The following RBFOX1 variants were observed in gnomAD, a reference collection of about 807,000 sequenced individuals.
The protein encoded by RBFOX1 is RNA binding fox-1 homolog 1.
RBFOX1 carries 8 observed loss-of-function variants against 57.7 expected under a neutral mutation model. The observed-to-expected ratio is 0.14, with a 90% CI of 0.08 to 0.25. RBFOX1 has a LOEUF of 0.25. Among genes scored for constraint, RBFOX1 ranks in the 10% least tolerant of loss-of-function variants. The pLI, the probability that RBFOX1 is intolerant of heterozygous loss-of-function variation, is 1.00. For synonymous variants in RBFOX1, 326 were observed against 222.4 expected (o/e 1.47, Z -4.15); for missense variants, 611 against 548.5 (o/e 1.11, Z -1.14).
chr16:6,921,266 A>T (rs746540497), intron 3 of RBFOX1, among the ~76,000 whole-genome samples: 1 of 152,168 alleles, frequency 6.6e-6, no homozygotes, highest in Non-Finnish European at 1.5e-5. Context: ...CACAATGTCT[A>T]TGGGTTAAAA....
chr16:7,084,146 G>A (rs2059624121), intron 4 of RBFOX1, among the ~76,000 whole-genome samples: 1 of 152,110 alleles, frequency 6.6e-6, no homozygotes, highest in African/African-American at 2.4e-5. Context: ...AAATATGGAA[G>A]GACTGTGGTA....
intron 1 of RBFOX1, among the ~76,000 whole-genome samples, chr16:6,221,927 G>T (rs538652203): frequency 3.9e-5 from 6 of 152,128 alleles, no homozygotes; most frequent in Admixed American, 1.3e-4. Context: ...CAGCCAAACC[G>T]TATCAACCAA....
intron 5 of RBFOX1, among the ~76,000 whole-genome samples, chr16:7,560,969 C>T (rs892589169): frequency 7.2e-5 from 11 of 152,266 alleles, no homozygotes; most frequent in East Asian, 1.9e-4. Flanking sequence ...AGAACTCATC[C>T]GTTGTCCTGT....
chr16:5,460,488 T>C (rs557100137), intron 1 of RBFOX1, among the ~76,000 whole-genome samples: 3 of 152,308 alleles, frequency 2.0e-5, no homozygotes, highest in African/African-American at 4.8e-5. Context: ...ATAAGTTTTG[T>C]TGGGGTCCTG....
intron 3 of RBFOX1, among the ~76,000 whole-genome samples, chr16:6,894,523 C>G (rs1381132799): frequency 6.6e-6 from 1 of 152,146 alleles, no homozygotes; most frequent in Non-Finnish European, 1.5e-5. Flanking sequence ...GCTCTCCATC[C>G]CAACTAGAGG....
chr16:5,930,645 G>T (rs868248082), intron 4 of RBFOX1, among the ~76,000 whole-genome samples: 16 of 125,980 alleles, frequency 1.3e-4, no homozygotes, highest in Non-Finnish European at 2.5e-4. Context: ...TGCATGGTTG[G>T]GTAGGTGGGA....
Position 6,996,503 on chromosome 16 carries a change from C to G in RBFOX1, c.-15-55554C>G, listed in dbSNP as rs139438467. The stretch of plus-strand genomic sequence containing the variant: ...CCTATCTGGACACGCATATTTGTTA[C>G]TTGAAAATAAGTAGGGCTTGCATAC... On this transcript the variant is annotated intron_variant, in intron 3 of 15. Coordinates refer to ENST00000550418, the MANE Select transcript of RBFOX1 (RefSeq NM_018723.4). Among the ~76,000 whole-genome samples, 66 of 152,256 alleles carry G rather than the reference C, an allele frequency of 4.3e-4. No homozygotes were observed. The East Asian group carries it at 0.011, about 26-fold the overall frequency.
intron 5 of RBFOX1, among the ~76,000 whole-genome samples, chr16:7,551,844 A>C (rs1225323799): frequency 6.6e-6 from 1 of 152,164 alleles, no homozygotes; most frequent in East Asian, 1.9e-4. Flanking sequence ...CCAACATACT[A>C]CGGATGGTAT....
chr16:6,553,621 C>T (rs988879955), intron 2 of RBFOX1, among the ~76,000 whole-genome samples: 20 of 151,744 alleles, frequency 1.3e-4, no homozygotes, highest in Admixed American at 1.1e-3. Flanking sequence ...AGAGTAGACG[C>T]GGTGGGGATG....
chr16:5,433,500 A>G (rs1381105830), intron 1 of RBFOX1, among the ~76,000 whole-genome samples: 2 of 152,168 alleles, frequency 1.3e-5, no homozygotes, highest in Non-Finnish European at 2.9e-5. Flanking sequence ...ATCTTTGAGG[A>G]GGGCAGAAAT....
At chr16:6,385,728 A>G (rs2092221500) in intron 2 of RBFOX1, among the ~76,000 whole-genome samples, 2 of 152,194 alleles carry the variant, frequency 1.3e-5, no homozygotes, top group Non-Finnish European at 2.9e-5. Context: ...ACAGAAAGTG[A>G]TAAGCACAGT....
At chr16:6,171,333 C>T (rs13337182) in intron 1 of RBFOX1, among the ~76,000 whole-genome samples, 20,203 of 152,164 alleles carry the variant, frequency 0.13, 1,514 homozygotes, top group Middle Eastern at 0.24. Flanking sequence ...TTCATGCATC[C>T]CCTATTGTTG....
intron 2 of RBFOX1, among the ~76,000 whole-genome samples, chr16:6,398,835 A>C (rs1206718542): frequency 6.6e-6 from 1 of 152,176 alleles, no homozygotes; most frequent in African/African-American, 2.4e-5. Context: ...GATCTGGAGG[A>C]TAGTGGTCCT....
At chr16:6,299,238 C>T (rs183399865) in intron 1 of RBFOX1, among the ~76,000 whole-genome samples, 125 of 152,218 alleles carry the variant, frequency 8.2e-4, no homozygotes, top group African/African-American at 2.8e-3. Context: ...AACAGTGGAC[C>T]CTTTTCCTAT....
intron 1 of RBFOX1, among the ~76,000 whole-genome samples, chr16:6,034,022 C>A (rs1375716767): frequency 6.6e-6 from 1 of 152,012 alleles, no homozygotes; most frequent in Non-Finnish European, 1.5e-5. Flanking sequence ...AAATGCTTAT[C>A]CAGGGTGATT....
At chr16:6,481,954 A>G (rs570710089) in intron 2 of RBFOX1, among the ~76,000 whole-genome samples, 1 of 152,226 alleles carries the variant, frequency 6.6e-6, no homozygotes, top group Non-Finnish European at 1.5e-5. Flanking sequence ...TGTTCCTGGT[A>G]TGACAAAGAT....
chr16:7,113,131 C>G (rs1257595223), intron 4 of RBFOX1, among the ~76,000 whole-genome samples: 1 of 152,100 alleles, frequency 6.6e-6, no homozygotes, highest in Non-Finnish European at 1.5e-5. Flanking sequence ...TTTGAGATCT[C>G]TGCAGATATA....
intron 4 of RBFOX1, among the ~76,000 whole-genome samples, chr16:7,439,062 G>T (rs996707377): frequency 2.0e-5 from 3 of 151,878 alleles, no homozygotes; most frequent in African/African-American, 4.9e-5. Context: ...TTGAGCCAAC[G>T]CAGAGTCTCT....
At position 6,267,178 on chromosome 16, in the gene RBFOX1, A is replaced by G. The variant is rs1303919264; in HGVS notation, c.-126-49817A>G. On this transcript the variant is annotated intron_variant, in intron 1 of 15. Coordinates refer to ENST00000550418, the MANE Select transcript of RBFOX1 (RefSeq NM_018723.4). ...ACTCTGGATCCCAGTCAGGAATCTG[A>G]AAAAGGGGGAAAAAAATCTGGGGCA... Among the ~76,000 whole-genome samples, 3 of 152,162 alleles carry G rather than the reference A, an allele frequency of 2.0e-5. No homozygotes were observed. The East Asian group carries it at 5.8e-4, about 29-fold the overall frequency.
Sources: allele counts gnomAD v4.1 joint callset (sites outside exome capture counted in the v4.1 genomes callset), GRCh38; gene constraint gnomAD v4.1.1; transcripts MANE v1.5; gene names NCBI Gene and HGNC (gene_info 2026-07-23, HGNC 2026-07-21).